Variants in TRAPPC11 observed in about 807,000 individuals in gnomAD.
The protein encoded by TRAPPC11 is foie gras homolog.
In TRAPPC11, 104 loss-of-function variants were observed where a neutral mutation model predicts 151.2. That is an observed-to-expected ratio of 0.69 (90% confidence interval 0.59 to 0.81). TRAPPC11 has a LOEUF of 0.81. Among genes scored for constraint, TRAPPC11 ranks in the 30% least tolerant of loss-of-function variants. The pLI is 0.00. For synonymous variants in TRAPPC11, 456 were observed against 472.3 expected (o/e 0.97, Z 0.45); for missense variants, 1,230 against 1,349.6 (o/e 0.91, Z 1.39).
At chr4:183,661,537 AAT>A (rs1272137581) in intron 1 of TRAPPC11, among the ~76,000 whole-genome samples, 1 of 150,364 alleles carries the variant, frequency 6.7e-6, no homozygotes, top group Non-Finnish European at 1.5e-5. Flanking sequence ...ATACTCGGCT[AAT>A]TTTTTGTGTT....
chr4:183,705,772 G>A (rs1218860823), intron 27 of TRAPPC11, among the ~76,000 whole-genome samples: 5 of 152,198 alleles, frequency 3.3e-5, no homozygotes, highest in Non-Finnish European at 7.3e-5. Context: ...TCAGGGTCAA[G>A]TTTTTGGCAA....
intron 1 of TRAPPC11, among the ~76,000 whole-genome samples, chr4:183,662,905 T>A (rs1734630859): frequency 6.6e-6 from 1 of 152,208 alleles, no homozygotes; most frequent in Non-Finnish European, 1.5e-5. Flanking sequence ...GTCTTAAAGT[T>A]GACTTCATTT....
intron 29 of TRAPPC11, among the ~76,000 whole-genome samples, chr4:183,710,575 T>C (rs13435547): frequency 6.6e-6 from 1 of 151,262 alleles, no homozygotes; most frequent in African/African-American, 2.4e-5. Flanking sequence ...TGTGAGCCAC[T>C]GCGCCCGGCC....
rs776826270 is a variant in TRAPPC11 at position 183,663,933 on chromosome 4, A to G, written c.66A>G (p.Leu22=). ...LCCRPMAFVT[L]TGLDVVYNAV... ...GCCGGCCTATGGCCTTTGTTACTCT[A>G]ACGGGCCTGGATGTAGTTTATAATG... Residue 22 remains leucine, a synonymous_variant, in exon 2 of 30, where the codon CTA becomes CTG. Transcript: ENST00000334690. The G allele has an allele frequency of 1.4e-5, 22 of 1,614,076 alleles. No individual in the cohort carries two copies. The East Asian group carries it at 1.8e-4, about 13-fold the overall frequency.
intron 2 of TRAPPC11, among the ~76,000 whole-genome samples, chr4:183,665,154 G>A (rs1309012645): frequency 6.8e-6 from 1 of 146,962 alleles, no homozygotes; most frequent in East Asian, 2.0e-4. Flanking sequence ...GAGTGCTGTG[G>A]CGCGATATCG....
At chr4:183,665,102 T>TG (rs1436584004) in intron 2 of TRAPPC11, among the ~76,000 whole-genome samples, 6 of 144,976 alleles carry the variant, frequency 4.1e-5, no homozygotes, top group South Asian at 2.2e-4. Flanking sequence ...TTTTTTTTTT[T>TG]TTTTTTTTTT....
intron 19 of TRAPPC11, 46 bp downstream of exon 19, chr4:183,691,517 T>A (rs759486631): frequency 1.7e-6 from 2 of 1,154,220 alleles, no homozygotes; most frequent in Non-Finnish European, 2.3e-6. Context: ...AATAAAAGTA[T>A]GTTTATATCA....
At chr4:183,703,478 A>G (rs1346266794) in intron 26 of TRAPPC11, among the ~76,000 whole-genome samples, 2 of 152,206 alleles carry the variant, frequency 1.3e-5, no homozygotes, top group Non-Finnish European at 2.9e-5. Flanking sequence ...GAATTATTCC[A>G]TCATACTACA....
At chr4:183,674,611 AT>A in intron 5 of TRAPPC11, 101 bp from the exon 6 acceptor site, 1 of 605,056 alleles carries the variant, frequency 1.7e-6, no homozygotes, top group East Asian at 3.0e-5. Context: ...TAAAACAGAT[AT>A]TTCTGTCACC....
intron 19 of TRAPPC11, among the ~76,000 whole-genome samples, chr4:183,691,900 T>C (rs190524259): frequency 2.4e-4 from 37 of 152,336 alleles, no homozygotes; most frequent in Admixed American, 2.0e-3. Context: ...ACTGAGTACA[T>C]ATTTTTAAAG....
chr4:183,665,345 T>C (rs148431458), intron 2 of TRAPPC11, among the ~76,000 whole-genome samples: 14,380 of 152,092 alleles, frequency 0.095, 772 homozygotes, highest in Non-Finnish European at 0.12. Context: ...CTGCCCACCT[T>C]GGCCTCCCAA....
chr4:183,707,078 G>A (rs1460381131), intron 28 of TRAPPC11, 138 bp downstream of exon 28: 1 of 1,033,556 alleles, frequency 9.7e-7, no homozygotes, highest in Non-Finnish European at 1.3e-6. Context: ...GAATTTTTAA[G>A]CACCTTAAGT....
rs1176388483 is a variant in TRAPPC11, at chr4:183,686,632, A to G, written c.1777A>G (p.Lys593Glu). 4.3e-6 allele frequency: 7 copies of G among 1,614,044 alleles called. No homozygotes were observed. The highest frequency in any genetic ancestry group is 5.1e-6 in the Non-Finnish European group (6 of 1,179,974). Reference sequence around the variant, plus strand: ...TTTATTTCTAGTGCAGTGCAAAGCCAAGTTTCATGCCCCAAGTTTTCATGT... The same window carrying G: ...TTTATTTCTAGTGCAGTGCAAAGCCGAGTTTCATGCCCCAAGTTTTCATGT... The part of the protein sequence containing the change: ...DFVPFVQCKA[K>E]FHAPSFHVDV... Residue 593 changes from lysine to glutamate, a missense_variant, in exon 18 of 30, where the codon AAG becomes GAG. Physicochemically the swap from Lys to Glu is moderately conservative, Grantham distance 56. Transcript: ENST00000334690.
chr4:183,685,153 G>C lies in TRAPPC11; in HGVS notation c.1629+8G>C. On this transcript the variant is annotated splice_region_variant and intron_variant, in intron 16 of 29. Transcript: ENST00000334690. ...CTCATAAATGTTTTAATGGTAGGTT[G>C]GAATTGTTTATATAGAGTGTGTTAT... is the stretch of plus-strand genomic sequence containing the variant. The C allele has an allele frequency of 6.2e-7, 1 of 1,613,450 alleles. No homozygotes were observed. Among genetic ancestry groups the C allele is most frequent in the Non-Finnish European group, 8.5e-7 (1 of 1,179,560 alleles).
intron 5 of TRAPPC11, among the ~76,000 whole-genome samples, chr4:183,669,535 A>G (rs958685014): frequency 1.3e-5 from 2 of 152,216 alleles, no homozygotes; most frequent in Non-Finnish European, 2.9e-5. Context: ...TAAGGCTTCA[A>G]CGAAGCCTTC....
intron 2 of TRAPPC11, among the ~76,000 whole-genome samples, chr4:183,665,929 C>CTTTTTTTTTTTTTTTTTTTTTTTTTTT (rs11462767): frequency 7.3e-6 from 1 of 137,888 alleles, no homozygotes; most frequent in Non-Finnish European, 1.5e-5. Flanking sequence ...AAATGGGCTA[C>CTTTTTTTTTTTTTTTTTTTTTTTTTTT]TTTTTTTTTT....
intron 15 of TRAPPC11, 105 bp from the exon 16 acceptor site, chr4:183,684,979 C>T: frequency 1.5e-6 from 2 of 1,304,610 alleles, no homozygotes; most frequent in Middle Eastern, 2.6e-4. Context: ...GCTTAGTCAT[C>T]TTAAAGAGGT....
chr4:183,694,685 A>G lies in TRAPPC11; in HGVS notation c.2590A>G (p.Thr864Ala), dbSNP rs1053613897. The G allele has an allele frequency of 1.2e-6, 2 of 1,608,042 alleles. No individual in the cohort carries two copies. The highest frequency in any genetic ancestry group is 8.5e-7 in the Non-Finnish European group (1 of 1,178,678). Residue 864 changes from threonine to alanine, a missense_variant, in exon 23 of 30, where the codon ACC (threonine) becomes GCC (alanine). By Grantham distance (58) the Thr-to-Ala change is moderately conservative (BLOSUM62 0). Coordinates refer to ENST00000334690, the MANE Select transcript of TRAPPC11 (RefSeq NM_021942.6). ...ATATGTTTCTTACCTGATAAATACA[A>G]CCGTTGAAGAAAAAGAAATTGTTTG... The part of the protein sequence containing the change: ...LVYVSYLINT[T>A]VEEKEIVCKC...
chr4:183,707,342 A>G (rs1363598768), intron 28 of TRAPPC11, among the ~76,000 whole-genome samples: 1 of 152,016 alleles, frequency 6.6e-6, no homozygotes, highest in Non-Finnish European at 1.5e-5. Context: ...GTGAAGTTTC[A>G]TAGCAATTTT....
Sources: allele counts gnomAD v4.1 joint callset (sites outside exome capture counted in the v4.1 genomes callset), GRCh38; gene constraint gnomAD v4.1.1; transcripts MANE v1.5; gene names NCBI Gene and HGNC (gene_info 2026-07-23, HGNC 2026-07-21).